The following KHDC1 variants were observed in gnomAD, a reference collection of about 807,000 sequenced individuals.
KHDC1 encodes the protein KH domain containing 1, also known as KH homology domain-containing protein 1.
In KHDC1, 21 loss-of-function variants were observed where a neutral mutation model predicts 24.7. The ratio of observed to expected loss-of-function variants is 0.85; its 90% CI spans 0.60 to 1.23. The LOEUF (loss-of-function observed/expected upper bound fraction) is 1.23. KHDC1 is among the 50% of genes most tolerant of loss of function. KHDC1 has a pLI of 0.00. For synonymous variants in KHDC1, 98 were observed against 111.7 expected (o/e 0.88, Z 0.77); for missense variants, 274 against 298.5 (o/e 0.92, Z 0.61).
chr6:73,249,417 A>T (rs1181053580), intron 2 of KHDC1, among the ~76,000 whole-genome samples: 1 of 152,186 alleles, frequency 6.6e-6, no homozygotes, highest in African/African-American at 2.4e-5. Context: ...AATTATGAAA[A>T]TAATATTATC....
intron 2 of KHDC1, among the ~76,000 whole-genome samples, chr6:73,250,309 G>A (rs920909782): frequency 6.6e-6 from 1 of 152,156 alleles, no homozygotes; most frequent in African/African-American, 2.4e-5. Context: ...GATTGCTTTA[G>A]GAAATGGCAC....
intron 1 of KHDC1, among the ~76,000 whole-genome samples, chr6:73,297,102 C>T (rs923478434): frequency 5.3e-5 from 8 of 152,014 alleles, no homozygotes; most frequent in Non-Finnish European, 1.0e-4. Context: ...GGTTTTGCCA[C>T]GTTGGCCAGA....
intron 2 of KHDC1, among the ~76,000 whole-genome samples, chr6:73,288,439 G>C (rs762765245): frequency 2.6e-5 from 4 of 152,122 alleles, no homozygotes; most frequent in Non-Finnish European, 4.4e-5. Context: ...TGGGCAACAT[G>C]GTTAAACCCC....
Position 73,242,120 on chromosome 6 carries a change from GC to G in KHDC1, c.448del (p.Ala150GlnfsTer35), listed in dbSNP as rs780250371. On this transcript the variant is annotated frameshift_variant, in exon 4 of 5. Coordinates refer to ENST00000370384, the Ensembl canonical transcript of KHDC1. LOFTEE classifies it high-confidence loss of function. ...AAACATGTGCAGCAGCCACTGCCTT[GC>G]CCTGTGTGGTCCGACTACAGTCACA... The G allele has an allele frequency of 4.3e-6, 7 of 1,614,062 alleles. No homozygotes were observed. Among genetic ancestry groups the G allele is most frequent in the Non-Finnish European group, 5.9e-6 (7 of 1,180,038 alleles).
At chr6:73,281,320 C>T (rs1217702758) in intron 2 of KHDC1, among the ~76,000 whole-genome samples, 1 of 145,982 alleles carries the variant, frequency 6.9e-6, no homozygotes, top group Non-Finnish European at 1.5e-5. Context: ...GCCTGGGTGA[C>T]AGAACGAGAC....
At chr6:73,302,002 G>A (rs1414958755) in intron 1 of KHDC1, among the ~76,000 whole-genome samples, 3 of 152,052 alleles carry the variant, frequency 2.0e-5, no homozygotes, top group Non-Finnish European at 4.4e-5. Flanking sequence ...AAAAAATTCT[G>A]GAATGGGCTG....
intron 1 of KHDC1, among the ~76,000 whole-genome samples, chr6:73,295,513 G>A (rs535857025): frequency 5.3e-5 from 8 of 151,768 alleles, no homozygotes; most frequent in Non-Finnish European, 8.8e-5. Context: ...GACCAGCCTG[G>A]GCAACATAAC....
intron 1 of KHDC1, among the ~76,000 whole-genome samples, chr6:73,302,258 C>T (rs751981489): frequency 1.3e-5 from 2 of 152,088 alleles, no homozygotes; most frequent in African/African-American, 2.4e-5. Context: ...CATTGCACTC[C>T]AGCCTGAGCA....
intron 2 of KHDC1, among the ~76,000 whole-genome samples, chr6:73,254,152 A>G (rs1239787963): frequency 6.6e-6 from 1 of 152,020 alleles, no homozygotes; most frequent in Non-Finnish European, 1.5e-5. Context: ...AACAAAATCC[A>G]CAGATAATAA....
chr6:73,305,601 T>C (rs1767949243), intron 1 of KHDC1, among the ~76,000 whole-genome samples: 1 of 152,204 alleles, frequency 6.6e-6, no homozygotes. Context: ...TTTAAGATAT[T>C]CTAGCTACTT....
At chr6:73,281,788 G>T (rs1015883508) in intron 2 of KHDC1, among the ~76,000 whole-genome samples, 1 of 151,874 alleles carries the variant, frequency 6.6e-6, no homozygotes, top group African/African-American at 2.4e-5. Flanking sequence ...TCTGCCCCAG[G>T]AGCCCAAACA....
At chr6:73,242,515 C>A (rs1333812665) in exon 3 of KHDC1, 1 of 1,614,144 alleles carries the variant, frequency 6.2e-7, no homozygotes, top group Non-Finnish European at 8.5e-7. Context: ...TTCCCATGTC[C>A]ATGCTCTGCT....
chr6:73,262,073 C>G (rs1766991274), intron 2 of KHDC1, among the ~76,000 whole-genome samples: 1 of 151,262 alleles, frequency 6.6e-6, no homozygotes, highest in African/African-American at 2.4e-5. Flanking sequence ...GAAAGAGGCC[C>G]TTCTCAAAAA....
At chr6:73,254,690 A>C (rs1353042063) in intron 2 of KHDC1, among the ~76,000 whole-genome samples, 4 of 152,030 alleles carry the variant, frequency 2.6e-5, no homozygotes. Flanking sequence ...AGAACTAAGG[A>C]TACACAATAA....
chr6:73,259,010 C>CA (rs1766929882), intron 2 of KHDC1, among the ~76,000 whole-genome samples: 1 of 152,188 alleles, frequency 6.6e-6, no homozygotes, highest in Non-Finnish European at 1.5e-5. Context: ...ATTGCAAGGG[C>CA]AGGGCTTGCA....
In KHDC1 at chr6:73,265,908, G is replaced by A. The variant is rs142528421; in HGVS notation, c.207-23378C>T. On this transcript the variant is annotated intron_variant, in intron 2 of 4. Transcript: ENST00000370384. ...TTGAGACCAGCCTGGGCAACATGGC[G>A]AGATCCCTTTTCTTTTTCTTTTTTT... Among the ~76,000 whole-genome samples, 405 of 152,234 alleles carry A rather than the reference G, an allele frequency of 2.7e-3. 2 individuals carry two copies. The highest frequency in any genetic ancestry group is 0.01 in the Middle Eastern group (3 of 294).
intron 2 of KHDC1, among the ~76,000 whole-genome samples, chr6:73,261,861 A>G (rs1039032337): frequency 6.6e-5 from 10 of 151,814 alleles, no homozygotes; most frequent in Admixed American, 6.6e-4. Context: ...GCAGTGAGCC[A>G]AGATCGCACC....
At chr6:73,308,885 G>C (rs1403488387) in intron 1 of KHDC1, among the ~76,000 whole-genome samples, 1 of 152,166 alleles carries the variant, frequency 6.6e-6, no homozygotes, top group Non-Finnish European at 1.5e-5. Flanking sequence ...AGCCTGGAGA[G>C]CAGTGGCGCC....
chr6:73,304,196 A>C (rs1259044995), intron 1 of KHDC1, among the ~76,000 whole-genome samples: 5 of 152,138 alleles, frequency 3.3e-5, no homozygotes, highest in African/African-American at 1.2e-4. Context: ...AAAGAAAAAA[A>C]ATTGTTCTAC....
Sources: gnomAD v4.1 joint callset for allele counts (sites outside exome capture counted in the v4.1 genomes callset) on GRCh38, gnomAD v4.1.1 for gene constraint, MANE v1.5 for transcripts, NCBI Gene and HGNC (gene_info 2026-07-23, HGNC 2026-07-21) for gene names.